Variants in NLGN1 observed in about 807,000 individuals in gnomAD.
The protein encoded by NLGN1 is neuroligin-1.
A neutral mutation model predicts 65.5 loss-of-function variants in NLGN1; 12 were observed. That is an observed-to-expected ratio of 0.18 (90% CI 0.12 to 0.30). NLGN1 has a LOEUF of 0.30. Ranked by LOEUF, NLGN1 falls within the 10% of genes least tolerant of loss-of-function variation. NLGN1 has a pLI of 1.00. For synonymous variants in NLGN1, 350 were observed against 359.5 expected (o/e 0.97, Z 0.30); for missense variants, 750 against 1,007.1 (o/e 0.74, Z 3.46).
intron 3 of NLGN1, among the ~76,000 whole-genome samples, chr3:173,664,999 A>G (rs1054891161): frequency 2.0e-5 from 3 of 152,158 alleles, no homozygotes; most frequent in African/African-American, 4.8e-5. Context: ...AGTGACTGGC[A>G]TATGGTTGGT....
chr3:174,102,619 A>T (rs1332633103), intron 4 of NLGN1, among the ~76,000 whole-genome samples: 1 of 152,150 alleles, frequency 6.6e-6, no homozygotes, highest in African/African-American at 2.4e-5. Flanking sequence ...AATAACGAAG[A>T]ACAGAATTTT....
At chr3:174,242,315 C>G (rs1464678161) in intron 4 of NLGN1, among the ~76,000 whole-genome samples, 1 of 151,930 alleles carries the variant, frequency 6.6e-6, no homozygotes, top group Non-Finnish European at 1.5e-5. Context: ...ATCGCTTGAA[C>G]CTGGGAGGCA....
At chr3:173,927,545 C>T (rs1219135450) in intron 4 of NLGN1, among the ~76,000 whole-genome samples, 3 of 152,116 alleles carry the variant, frequency 2.0e-5, no homozygotes, top group Non-Finnish European at 2.9e-5. Flanking sequence ...ACACTTCTTC[C>T]CATTCACTGC....
At chr3:173,730,353 T>C (rs1351128196) in intron 3 of NLGN1, among the ~76,000 whole-genome samples, 1 of 133,570 alleles carries the variant, frequency 7.5e-6, no homozygotes, top group East Asian at 2.2e-4. Flanking sequence ...GAATGAAAGC[T>C]ACAAATTTGC....
intron 2 of NLGN1, among the ~76,000 whole-genome samples, chr3:173,526,418 T>G (rs2149161879): frequency 6.6e-6 from 1 of 152,244 alleles, no homozygotes; most frequent in East Asian, 1.9e-4. Flanking sequence ...AATTTCCATT[T>G]GTGTGATATA....
intron 3 of NLGN1, among the ~76,000 whole-genome samples, chr3:173,668,301 A>G (rs578202628): frequency 2.0e-5 from 3 of 152,072 alleles, no homozygotes; most frequent in Non-Finnish European, 4.4e-5. Context: ...AGAAGAAGAA[A>G]ATATTGCCAG....
intron 4 of NLGN1, among the ~76,000 whole-genome samples, chr3:174,205,598 C>T (rs972053081): frequency 1.3e-4 from 20 of 151,912 alleles, no homozygotes; most frequent in African/African-American, 4.6e-4. Context: ...TTTTAAATTG[C>T]GTTAATATAG....
intron 4 of NLGN1, among the ~76,000 whole-genome samples, chr3:174,074,939 A>C (rs1179472102): frequency 2.0e-5 from 3 of 152,186 alleles, no homozygotes; most frequent in Non-Finnish European, 2.9e-5. Flanking sequence ...AGTATATAAC[A>C]GACACACTTA....
intron 2 of NLGN1, among the ~76,000 whole-genome samples, chr3:173,457,427 A>G (rs1181690485): frequency 6.6e-6 from 1 of 152,114 alleles, no homozygotes; most frequent in Non-Finnish European, 1.5e-5. Flanking sequence ...CTTGAGTAAA[A>G]TAAATATGGG....
chr3:173,780,024 A>C (rs1229263721), intron 3 of NLGN1, among the ~76,000 whole-genome samples: 1 of 152,198 alleles, frequency 6.6e-6, no homozygotes, highest in African/African-American at 2.4e-5. Context: ...TCAGAGAATT[A>C]AAATACATGA....
At chr3:174,251,282 C>G (rs1418079285) in intron 4 of NLGN1, among the ~76,000 whole-genome samples, 1 of 152,156 alleles carries the variant, frequency 6.6e-6, no homozygotes. Flanking sequence ...GGTTGGATAG[C>G]CTTCCTTAAT....
intron 3 of NLGN1, among the ~76,000 whole-genome samples, chr3:173,716,580 A>T (rs1180766508): frequency 2.0e-5 from 3 of 152,194 alleles, no homozygotes. Flanking sequence ...GGGTCAGTTG[A>T]TGCACTGCCT....
chr3:173,431,223 A>C (rs73883132), intron 1 of NLGN1, among the ~76,000 whole-genome samples: 4,381 of 152,262 alleles, frequency 0.029, 209 homozygotes, highest in African/African-American at 0.1. Context: ...TGGCCCAGTA[A>C]GATGTTCCTG....
chr3:174,047,805 TAAAA>T (rs373900247), intron 4 of NLGN1, among the ~76,000 whole-genome samples: 1 of 145,524 alleles, frequency 6.9e-6, no homozygotes, highest in African/African-American at 2.5e-5. Flanking sequence ...TTTGAGATAG[TAAAA>T]AAAAAAAAGA....
At chr3:174,211,322 C>T (rs1736462693) in intron 4 of NLGN1, among the ~76,000 whole-genome samples, 1 of 152,152 alleles carries the variant, frequency 6.6e-6, no homozygotes, top group Admixed American at 6.5e-5. Flanking sequence ...CCTGTTTTGT[C>T]AGGGTGCTGA....
At chr3:173,847,707 AC>A (rs1388865258) in intron 4 of NLGN1, among the ~76,000 whole-genome samples, 1 of 152,150 alleles carries the variant, frequency 6.6e-6, no homozygotes, top group African/African-American at 2.4e-5. Flanking sequence ...CCCTGTCTCT[AC>A]TAAAAATACA....
At chr3:173,468,625 G>T (rs1014953866) in intron 2 of NLGN1, among the ~76,000 whole-genome samples, 1 of 151,916 alleles carries the variant, frequency 6.6e-6, no homozygotes, top group Non-Finnish European at 1.5e-5. Flanking sequence ...ACCTTTTTCC[G>T]TCAGTAGTAG....
At chr3:173,416,945 A>T (rs1560222124) in intron 1 of NLGN1, among the ~76,000 whole-genome samples, 1 of 152,176 alleles carries the variant, frequency 6.6e-6, no homozygotes, top group Non-Finnish European at 1.5e-5. Flanking sequence ...TACCATGATC[A>T]AACTGTAATA....
chr3:173,876,465 AG>A, intron 4 of NLGN1, among the ~76,000 whole-genome samples: 1 of 152,268 alleles, frequency 6.6e-6, no homozygotes, highest in Admixed American at 6.5e-5. Flanking sequence ...ATTAATGAGG[AG>A]ACTAAATTCA....
Sources: gnomAD v4.1 joint callset for allele counts (sites outside exome capture counted in the v4.1 genomes callset) on GRCh38, gnomAD v4.1.1 for gene constraint, MANE v1.5 for transcripts, NCBI Gene and HGNC (gene_info 2026-07-23, HGNC 2026-07-21) for gene names.